The following JAK1 variants were observed in gnomAD, a reference collection of about 807,000 sequenced individuals.
JAK1 encodes the protein tyrosine-protein kinase JAK1.
A neutral mutation model predicts 136.6 loss-of-function variants in JAK1; 16 were observed. That is an observed-to-expected ratio of 0.12 (90% CI 0.08 to 0.18). The LOEUF is 0.18. Ranked by LOEUF, JAK1 falls within the 10% of genes least tolerant of loss-of-function variation. JAK1 has a pLI of 1.00. For missense variants in JAK1, 859 were observed against 1,450.1 expected (o/e 0.59, Z 6.62); for synonymous variants, 492 against 519.5 (o/e 0.95, Z 0.72).
At chr1:64,870,358 T>G (rs956475601) in intron 5 of JAK1, among the ~76,000 whole-genome samples, 2 of 152,188 alleles carry the variant, frequency 1.3e-5, no homozygotes, top group Admixed American at 1.3e-4. Flanking sequence ...TTATTCTAGG[T>G]GCTAGGGAAA....
intron 1 of JAK1, among the ~76,000 whole-genome samples, chr1:64,939,650 G>A (rs1234198554): frequency 6.6e-6 from 1 of 152,186 alleles, no homozygotes; most frequent in Non-Finnish European, 1.5e-5. Context: ...GCACATAGTA[G>A]ATACATAATT....
At chr1:64,908,194 A>G (rs1044239044) in intron 1 of JAK1, among the ~76,000 whole-genome samples, 1 of 152,238 alleles carries the variant, frequency 6.6e-6, no homozygotes, top group African/African-American at 2.4e-5. Flanking sequence ...TTAATGCACT[A>G]ATCACAAGTA....
intron 1 of JAK1, among the ~76,000 whole-genome samples, chr1:64,907,997 C>T (rs180995594): frequency 7.2e-5 from 11 of 152,226 alleles, no homozygotes; most frequent in Non-Finnish European, 1.5e-4. Context: ...GAGACATGCT[C>T]ACAAGTGTAT....
In JAK1 at chr1:64,886,751, T is replaced by TACACAC. The variant is rs3838404; in HGVS notation, c.-77-416_-77-411dup. On this transcript the variant is annotated intron_variant, in intron 1 of 24. Coordinates refer to ENST00000342505, the MANE Select transcript of JAK1 (RefSeq NM_002227.4). ...AGAATTACCCCGCCCCAACCTTGTCTACACACACACACACACACACACACA... is the reference window on the plus strand; with the variant it reads ...AGAATTACCCCGCCCCAACCTTGTCTACACACACACACACACACACACACACACACA... Among the ~76,000 whole-genome samples the TACACAC allele has an allele frequency of 4.1e-3, 567 of 138,930 alleles. 3 individuals are homozygous for TACACAC. The highest frequency in any genetic ancestry group is 0.021 in the Middle Eastern group (6 of 282). 91.1% of individuals were successfully genotyped at this position (138,930 alleles called of 152,430 possible).
chr1:64,986,006 C>A, intron 2 of JAK1: 5 of 1,344,254 alleles, frequency 3.7e-6, no homozygotes, highest in South Asian at 1.2e-5. Context: ...CATTGATGAC[C>A]CCAGTGTTGT....
chr1:64,871,851 C>A (rs1657091014), intron 5 of JAK1, among the ~76,000 whole-genome samples: 1 of 152,184 alleles, frequency 6.6e-6, no homozygotes, highest in Admixed American at 6.5e-5. Context: ...ACTCTTGGAC[C>A]CAGCACAATC....
rs116141202 is a variant in JAK1 at position 64,973,268 on chromosome 1, G to T, written c.-78+71212C>A. On this transcript the variant is annotated intron_variant, in intron 2 of 25. Transcript: ENST00000671954. ...GAGAAAGAAAGAGAGAAAGAAAGAC[G>T]GAAGGAAGGAAAGAAAGAAAGGGCG... 1.9e-4 allele frequency among the ~76,000 whole-genome samples: 27 copies of T among 145,014 alleles called. 4 individuals carry two copies. The highest frequency in any genetic ancestry group is 3.6e-4 in the Admixed American group (5 of 13,982).
At chr1:64,863,183 G>T (rs1290699018) in intron 8 of JAK1, among the ~76,000 whole-genome samples, 1 of 151,104 alleles carries the variant, frequency 6.6e-6, no homozygotes, top group Non-Finnish European at 1.5e-5. Context: ...CATATGACAC[G>T]GGGCCTAATA....
chr1:64,851,129 C>G (rs1020441999), intron 11 of JAK1, among the ~76,000 whole-genome samples: 1 of 152,158 alleles, frequency 6.6e-6, no homozygotes, highest in African/African-American at 2.4e-5. Context: ...AAATGGAAAG[C>G]TACAATTTGT....
intron 1 of JAK1, among the ~76,000 whole-genome samples, chr1:64,896,733 C>T (rs1216133554): frequency 6.6e-6 from 1 of 152,160 alleles, no homozygotes; most frequent in Non-Finnish European, 1.5e-5. Context: ...ACACAGGACA[C>T]ACCCGACCAA....
At chr1:65,014,032 C>T (rs886224697) in intron 2 of JAK1, among the ~76,000 whole-genome samples, 5 of 151,980 alleles carry the variant, frequency 3.3e-5, no homozygotes, top group Admixed American at 2.6e-4. Flanking sequence ...AAAACAAAAA[C>T]CAACAGCTTA....
chr1:64,881,255 C>T (rs1054815690), intron 3 of JAK1, among the ~76,000 whole-genome samples: 3 of 128,284 alleles, frequency 2.3e-5, no homozygotes, highest in Non-Finnish European at 3.4e-5. Context: ...GAGCAAGACC[C>T]CATCTCTAAA....
rs1403926570 is a variant in JAK1, at chr1:64,984,883, C to T, written c.-78+59597G>A. ...TTGGAGGTCCAGGTGGAGCAGCCGG[C>T]CACTGCCATCACAGCTGGGCCAGGG... On this transcript the variant is annotated intron_variant, in intron 2 of 25. Transcript: ENST00000671954. This position sits in a 1 kb window ranked among gnomAD's most constrained non-coding sequence, Gnocchi z 4.1. 4 of 1,191,760 alleles carry T rather than the reference C, an allele frequency of 3.4e-6. No homozygotes were observed. Among genetic ancestry groups the T allele is most frequent in the Non-Finnish European group, 3.8e-6 (3 of 798,640 alleles). 73.8% of individuals were successfully genotyped at this position (1,191,760 alleles called of 1,614,324 possible). A position where few individuals can be genotyped will look rare whatever the true frequency, so the allele number is the denominator to read the frequency against.
chr1:65,060,238 T>C (rs1261828584), intron 1 of JAK1, among the ~76,000 whole-genome samples: 2 of 151,396 alleles, frequency 1.3e-5, no homozygotes, highest in Admixed American at 6.6e-5. Context: ...AAAGATACTG[T>C]GATTATTTTA....
intron 2 of JAK1, among the ~76,000 whole-genome samples, chr1:65,041,616 G>A (rs944333831): frequency 5.3e-5 from 8 of 152,050 alleles, no homozygotes; most frequent in Admixed American, 6.6e-5. Context: ...CATTTCACAG[G>A]AACCATGGGG....
At chr1:65,036,887 C>T (rs934537127) in intron 2 of JAK1, among the ~76,000 whole-genome samples, 3 of 152,092 alleles carry the variant, frequency 2.0e-5, no homozygotes, top group Non-Finnish European at 4.4e-5. Context: ...TAAATACATG[C>T]TTATAAGGAT....
intron 1 of JAK1, among the ~76,000 whole-genome samples, chr1:64,946,828 T>C (rs1445005394): frequency 1.3e-5 from 2 of 152,254 alleles, no homozygotes; most frequent in Non-Finnish European, 1.5e-5. Flanking sequence ...TCCAACAACA[T>C]AGATGGATAA....
intron 1 of JAK1, among the ~76,000 whole-genome samples, chr1:64,901,809 G>A (rs1488754156): frequency 6.6e-6 from 1 of 151,776 alleles, no homozygotes; most frequent in East Asian, 1.9e-4. Context: ...CTCCCCTATC[G>A]CATCCCCTAG....
intron 2 of JAK1, chr1:64,985,757 T>C: frequency 1.5e-6 from 1 of 658,518 alleles, no homozygotes; most frequent in South Asian, 1.7e-5. Flanking sequence ...CCAACTCAGC[T>C]ACTTTACACA....
Sources: allele counts gnomAD v4.1 joint callset (sites outside exome capture counted in the v4.1 genomes callset), GRCh38; gene constraint gnomAD v4.1.1; non-coding constraint Gnocchi (gnomAD v3.1); transcripts MANE v1.5; gene names NCBI Gene and HGNC (gene_info 2026-07-23, HGNC 2026-07-21).